Variants in UNKL observed in about 807,000 individuals in gnomAD.
UNKL encodes unk like zinc finger.
A neutral mutation model predicts 78.0 loss-of-function variants in UNKL; 60 were observed. That is an observed-to-expected ratio of 0.77 (90% CI 0.63 to 0.95). The LOEUF is 0.95. UNKL is among the 40% of genes least tolerant of loss of function. UNKL has a pLI of 0.00. For missense variants in UNKL, 1,159 were observed against 1,045.7 expected (o/e 1.11, Z -1.49); for synonymous variants, 608 against 474.8 (o/e 1.28, Z -3.65).
intron 12 of UNKL, chr16:1,368,283 T>A (rs2035474945): frequency 5.4e-6 from 1 of 184,082 alleles, no homozygotes; most frequent in Non-Finnish European, 1.1e-5. Flanking sequence ...CTTTAGAGAC[T>A]ATGACTGAAA....
rs556212042 is a variant in UNKL, at chr16:1,392,325, G to T, written c.1023+566C>A. On this transcript the variant is annotated intron_variant, in intron 8 of 14. Coordinates refer to ENST00000389221, the MANE Select transcript of UNKL (RefSeq NM_001372107.1). ...GGTGTCCTCTCCCCTCTCCACACCA[G>T]GAGGAGAGACTGCAGATTGAGGCTG... Among the ~76,000 whole-genome samples, 113 of 152,262 alleles carry T rather than the reference G, an allele frequency of 7.4e-4. 1 individual carries two copies. The highest frequency in any genetic ancestry group is 1.3e-3 in the Non-Finnish European group (86 of 68,016).
At chr16:1,378,886 C>G (rs2036438310) in intron 10 of UNKL, 1 of 152,512 alleles carries the variant, frequency 6.6e-6, no homozygotes, top group Admixed American at 6.5e-5. Flanking sequence ...GGCCCACTTT[C>G]TCACCCGCAG....
rs1391477971 is a variant in UNKL at position 1,399,285 on chromosome 16, A to G, written c.734+89T>C. The G allele has an allele frequency of 1.4e-6, 2 of 1,436,004 alleles. No homozygotes were observed. Among genetic ancestry groups the G allele is most frequent in the East Asian group, 5.1e-5 (2 of 39,550 alleles). 89.0% of individuals were successfully genotyped at this position (1,436,004 alleles called of 1,614,324 possible). ...ATGGTGCCACAAGGGCAGCCCTCCC[A>G]TTAGAACCCCGGGGTGGGCAACGCG... is the stretch of plus-strand genomic sequence containing the variant. On this transcript the variant is annotated intron_variant, in intron 5 of 14. Transcript: ENST00000389221. This position sits in a 1 kb window ranked among gnomAD's most constrained non-coding sequence, Gnocchi z 5.8.
intron 10 of UNKL, among the ~76,000 whole-genome samples, chr16:1,378,290 G>A (rs915212631): frequency 2.6e-5 from 4 of 152,204 alleles, no homozygotes; most frequent in Non-Finnish European, 5.9e-5. Flanking sequence ...GCTTGATGAC[G>A]GGCAGGGCCA....
intron 10 of UNKL, among the ~76,000 whole-genome samples, chr16:1,377,281 A>T (rs998192161): frequency 6.6e-6 from 1 of 152,092 alleles, no homozygotes; most frequent in African/African-American, 2.4e-5. Context: ...CTCATCTCCC[A>T]AAGTGCTGGG....
At chr16:1,411,747 C>A (rs2038048388) in intron 2 of UNKL, among the ~76,000 whole-genome samples, 1 of 152,078 alleles carries the variant, frequency 6.6e-6, no homozygotes, top group Non-Finnish European at 1.5e-5. Context: ...ATCGCTTGAA[C>A]CTGGGAGGCG....
intron 9 of UNKL, among the ~76,000 whole-genome samples, chr16:1,385,636 G>A (rs905356788): frequency 3.3e-5 from 5 of 152,216 alleles, no homozygotes; most frequent in Admixed American, 1.3e-4. Context: ...GAGCTTTTCT[G>A]CAGAAAACGT....
chr16:1,411,227 TAG>T (rs2038024873), intron 2 of UNKL, among the ~76,000 whole-genome samples: 1 of 152,102 alleles, frequency 6.6e-6, no homozygotes, highest in East Asian at 1.9e-4. Flanking sequence ...AGGCGTGGTG[TAG>T]AGAGTCTATA....
intron 7 of UNKL, among the ~76,000 whole-genome samples, 167 bp downstream of exon 7, chr16:1,393,964 G>A (rs1404770213): frequency 6.6e-6 from 1 of 152,218 alleles, no homozygotes; most frequent in Non-Finnish European, 1.5e-5. Flanking sequence ...ACACCCCAGG[G>A]AGCCTCCACG....
At chr16:1,369,506 G>GTTAC (rs949325846) in intron 12 of UNKL, among the ~76,000 whole-genome samples, 6 of 151,808 alleles carry the variant, frequency 4.0e-5, no homozygotes, top group African/African-American at 1.5e-4. Context: ...AGTAGCTGGG[G>GTTAC]TTACAGGCAT....
chr16:1,381,416 T>C lies in UNKL; in HGVS notation c.1264+3792A>G, dbSNP rs144483188. Among the ~76,000 whole-genome samples, 594 of 152,250 alleles carry C rather than the reference T, an allele frequency of 3.9e-3. 3 individuals carry two copies. The highest frequency in any genetic ancestry group is 0.024 in the East Asian group (124 of 5,174). ...GGGCGGATCACCTGAGGTCAGGAGTTTGAGACCAGCCTGGCCAACATGGCA... is the reference window on the plus strand; with the variant it reads ...GGGCGGATCACCTGAGGTCAGGAGTCTGAGACCAGCCTGGCCAACATGGCA... On this transcript the variant is annotated intron_variant, in intron 10 of 14. Transcript: ENST00000389221.
chr16:1,366,295 C>T lies in UNKL; in HGVS notation c.2147G>A (p.Cys716Tyr). 6.3e-7 allele frequency: 1 copy of T among 1,598,632 alleles called. No homozygotes were observed. The highest frequency in any genetic ancestry group is 8.5e-7 in the Non-Finnish European group (1 of 1,174,084). ...PCQHHILCEP[C>Y]AATAPECPYC... ...GGGGCACTCAGGTGCGGTGGCCGCACACGGCTCACAGAGGATGTGGTGCTG... is the reference window on the plus strand; with the variant it reads ...GGGGCACTCAGGTGCGGTGGCCGCATACGGCTCACAGAGGATGTGGTGCTG... The change falls in exon 15 of 15, where the codon TGT (cysteine) becomes TAT (tyrosine). Residue 716 changes from cysteine to tyrosine, a missense_variant. Physicochemically the swap from Cys to Tyr is radical, Grantham distance 194. Coordinates refer to ENST00000389221, the MANE Select transcript of UNKL (RefSeq NM_001372107.1).
rs184860631 is a variant in UNKL at position 1,392,335 on chromosome 16, C to T, written c.1023+556G>A. Among the ~76,000 whole-genome samples the T allele has an allele frequency of 4.6e-5, 7 of 152,312 alleles. No homozygotes were observed. In the East Asian group the frequency reaches 1.3e-3, roughly 29 times the overall value. On this transcript the variant is annotated intron_variant, in intron 8 of 14. Coordinates refer to ENST00000389221, the MANE Select transcript of UNKL (RefSeq NM_001372107.1). Reference sequence around the variant, plus strand: ...CCCCTCTCCACACCAGGAGGAGAGACTGCAGATTGAGGCTGCATAACCAAC... The same window carrying T: ...CCCCTCTCCACACCAGGAGGAGAGATTGCAGATTGAGGCTGCATAACCAAC...
chr16:1,367,782 A>C lies in UNKL; in HGVS notation c.1662T>G (p.Ser554Arg). 6.4e-7 allele frequency: 1 copy of C among 1,573,280 alleles called. No homozygotes were observed. Among genetic ancestry groups the C allele is most frequent in the African/African-American group, 1.4e-5 (1 of 74,046 alleles). The change falls in exon 13 of 15, where the codon AGT becomes AGG. Residue 554 changes from serine (S) to arginine (R), a missense_variant. Coordinates refer to ENST00000389221, the MANE Select transcript of UNKL (RefSeq NM_001372107.1). The part of the protein sequence containing the change: ...SFSPSPSPIL[S>R]AGPPSSSSAS... ...CACTCGAAGAGGATGGGGGGCCGGC[A>C]CTCAGGATGGGGGAGGGGCTGGGGG...
In UNKL at chr16:1,403,412, T is replaced by TC; in HGVS notation, c.288-69dup. 2 of 1,500,634 alleles carry TC rather than the reference T, an allele frequency of 1.3e-6. No individual in the cohort carries two copies. The highest frequency in any genetic ancestry group is 1.8e-6 in the Non-Finnish European group (2 of 1,123,640). 93.0% of individuals were successfully genotyped at this position (1,500,634 alleles called of 1,614,324 possible). A position where few individuals can be genotyped will look rare whatever the true frequency, so the allele number is the denominator to read the frequency against. Reference sequence around the variant, plus strand: ...CAGAGGCAGCCCTAAGCTCCCTGGGTCCACGCCCTGTCAGCACGTGGCAAG... The same window carrying TC: ...CAGAGGCAGCCCTAAGCTCCCTGGGTCCCACGCCCTGTCAGCACGTGGCAAG... On this transcript the variant is annotated intron_variant, in intron 2 of 14. Transcript: ENST00000389221. The surrounding 1 kb of genome is among the most constrained non-coding windows in gnomAD (Gnocchi z 4.8).
chr16:1,365,235 C>T lies in UNKL; in HGVS notation c.*1005G>A, dbSNP rs1890324063. The T allele has an allele frequency of 6.6e-6, 1 of 152,192 alleles. No homozygotes were observed. The highest frequency in any genetic ancestry group is 2.1e-4 in the South Asian group (1 of 4,824). The allele number at this position is 152,192 out of a possible 1,614,324, so 9.4% of individuals were successfully genotyped here. A position where few individuals can be genotyped will look rare whatever the true frequency, so the allele number is the denominator to read the frequency against. ...CTTGAACTCCTGACCTTAGGTGATC[C>T]ACCCGCCTCCCAAAGTGCTGGGATC... On this transcript the variant is annotated 3_prime_UTR_variant, in exon 15 of 15. Coordinates refer to ENST00000389221, the MANE Select transcript of UNKL (RefSeq NM_001372107.1).
At chr16:1,392,102 G>A (rs372398894) in intron 8 of UNKL, among the ~76,000 whole-genome samples, 47 of 152,308 alleles carry the variant, frequency 3.1e-4, no homozygotes, top group African/African-American at 1.1e-3. Context: ...ACCCCAAACC[G>A]AGCCATTCAC....
At chr16:1,392,327 A>G (rs2037081152) in intron 8 of UNKL, among the ~76,000 whole-genome samples, 2 of 152,144 alleles carry the variant, frequency 1.3e-5, no homozygotes, top group Admixed American at 1.3e-4. Context: ...CCACACCAGG[A>G]GGAGAGACTG....
chr16:1,366,496 G>A (rs967516588), intron 14 of UNKL, 101 bp from the exon 15 acceptor site: 77 of 1,379,652 alleles, frequency 5.6e-5, no homozygotes, highest in Middle Eastern at 2.6e-4. Flanking sequence ...ATCTCAGGCC[G>A]CCCGGCCACC....
Sources: allele counts gnomAD v4.1 joint callset (sites outside exome capture counted in the v4.1 genomes callset), GRCh38; gene constraint gnomAD v4.1.1; non-coding constraint Gnocchi (gnomAD v3.1); transcripts MANE v1.5; gene names NCBI Gene and HGNC (gene_info 2026-07-23, HGNC 2026-07-21).